CAPN3: variants seen among roughly 807,000 people sequenced by gnomAD.
CAPN3 encodes the protein calpain-3.
In CAPN3, 88 loss-of-function variants were observed where a neutral mutation model predicts 114.0. The observed-to-expected ratio is 0.77, with a 90% CI of 0.65 to 0.92. The LOEUF (loss-of-function observed/expected upper bound fraction) is 0.92, where lower values mean the gene tolerates loss of function less well. Ranked by LOEUF, CAPN3 falls within the 40% of genes least tolerant of loss-of-function variation. The pLI, the probability that CAPN3 is intolerant of heterozygous loss-of-function variation, is 0.00. For missense variants in CAPN3, 1,028 were observed against 1,069.0 expected (o/e 0.96, Z 0.53); for synonymous variants, 386 against 382.9 (o/e 1.01, Z -0.09).
intron 14 of CAPN3, among the ~76,000 whole-genome samples, chr15:42,405,130 GA>G (rs1360623074): frequency 4.6e-5 from 7 of 152,140 alleles, no homozygotes; most frequent in African/African-American, 1.2e-4. Context: ...TTGCCGCAGG[GA>G]TTACAGGCCC....
intron 1 of CAPN3, among the ~76,000 whole-genome samples, chr15:42,377,880 G>A (rs553144528): frequency 4.6e-5 from 7 of 152,176 alleles, no homozygotes; most frequent in Non-Finnish European, 1.0e-4. Flanking sequence ...TCTAATCCTC[G>A]AATGAATTTT....
At chr15:42,384,017 C>T (rs2053316688) in intron 1 of CAPN3, among the ~76,000 whole-genome samples, 1 of 152,206 alleles carries the variant, frequency 6.6e-6, no homozygotes, top group Non-Finnish European at 1.5e-5. Context: ...CTTAACCTCT[C>T]TGGGCCTCAG....
In CAPN3 at chr15:42,411,885, TC is replaced by T; in HGVS notation, c.*114del. 6.3e-7 allele frequency: 1 copy of T among 1,593,470 alleles called. No homozygotes were observed. Among genetic ancestry groups the T allele is most frequent in the Non-Finnish European group, 8.6e-7 (1 of 1,169,500 alleles). On this transcript the variant is annotated 3_prime_UTR_variant, in exon 24 of 24. Coordinates refer to ENST00000397163, the MANE Select transcript of CAPN3 (RefSeq NM_000070.3). ...CCCAGCAGCTACACCCCTACAGGCTTCCAGGCACCTCATCAGTCATGCTCCT... is the reference window on the plus strand; with the variant it reads ...CCCAGCAGCTACACCCCTACAGGCTTCAGGCACCTCATCAGTCATGCTCCT...
intron 7 of CAPN3, among the ~76,000 whole-genome samples, chr15:42,393,859 C>G (rs1054272479): frequency 2.0e-5 from 3 of 151,418 alleles, no homozygotes; most frequent in Non-Finnish European, 2.9e-5. Flanking sequence ...TCTCAAAGTG[C>G]TGGGATTACA....
intron 11 of CAPN3, 145 bp downstream of exon 11, chr15:42,401,955 A>C (rs186706571): frequency 7.4e-7 from 1 of 1,344,668 alleles, no homozygotes; most frequent in African/African-American, 1.4e-5. Context: ...TGTTTGTAAC[A>C]AGCAAAAAAT....
At chr15:42,393,680 G>A (rs28364448) in intron 7 of CAPN3, among the ~76,000 whole-genome samples, 1,595 of 150,402 alleles carry the variant, frequency 0.011, 32 homozygotes, top group African/African-American at 0.037. Flanking sequence ...TGCAATGTCC[G>A]CCTCCTGGAT....
chr15:42,377,979 C>G (rs1006106460), intron 1 of CAPN3, among the ~76,000 whole-genome samples: 2 of 152,160 alleles, frequency 1.3e-5, no homozygotes, highest in South Asian at 4.1e-4. Flanking sequence ...CTTATTATCC[C>G]TTTAATGTCC....
chr15:42,371,356 G>A (rs1363944188), intron 1 of CAPN3, among the ~76,000 whole-genome samples: 1 of 152,186 alleles, frequency 6.6e-6, no homozygotes, highest in Non-Finnish European at 1.5e-5. Flanking sequence ...ACAAATTAAA[G>A]TGACTCAGCA....
At chr15:42,398,741 T>A (rs2053779414) in intron 9 of CAPN3, among the ~76,000 whole-genome samples, 2 of 151,016 alleles carry the variant, frequency 1.3e-5, no homozygotes, top group Non-Finnish European at 2.9e-5. Flanking sequence ...AAATTCTTGT[T>A]TAGCTATGTT....
intron 1 of CAPN3, among the ~76,000 whole-genome samples, chr15:42,370,394 A>AG (rs2052912678): frequency 6.6e-6 from 1 of 152,182 alleles, no homozygotes; most frequent in Non-Finnish European, 1.5e-5. Flanking sequence ...GAAGAGAGGG[A>AG]GGGGGCTGAA....
In CAPN3 at chr15:42,370,699, ATAAG is replaced by A. The variant is rs375617702; in HGVS notation, c.309+10591_309+10594del. On this transcript the variant is annotated intron_variant, in intron 1 of 23. Transcript: ENST00000397163. ...ACTGACTCGGCCACTAGCAAGTCAC[ATAAG>A]TAAGTCACATTTTTTAAGTTTCGCT... is the stretch of plus-strand genomic sequence containing the variant. Among the ~76,000 whole-genome samples the A allele has an allele frequency of 5.3e-3, 809 of 152,336 alleles. 7 individuals carry two copies. The highest frequency in any genetic ancestry group is 0.019 in the African/African-American group (772 of 41,576).
At chr15:42,409,040 T>C in intron 16 of CAPN3, 1 of 470,340 alleles carries the variant, frequency 2.1e-6, no homozygotes, top group Non-Finnish European at 3.7e-6. Context: ...CTCTTGCAGG[T>C]GGGGACTGGG....
intron 1 of CAPN3, among the ~76,000 whole-genome samples, chr15:42,371,137 G>A (rs1437592689): frequency 6.6e-6 from 1 of 152,064 alleles, no homozygotes; most frequent in Non-Finnish European, 1.5e-5. Flanking sequence ...ACAAAACGAG[G>A]TACCCATTTG....
chr15:42,388,791 A>C, intron 4 of CAPN3, 137 bp from the exon 5 acceptor site: 3 of 796,392 alleles, frequency 3.8e-6, no homozygotes, highest in East Asian at 2.5e-5. Context: ...TTTCCATCCC[A>C]TGAGCTCATA....
At chr15:42,384,209 G>A (rs1416606698) in intron 1 of CAPN3, among the ~76,000 whole-genome samples, 1 of 151,970 alleles carries the variant, frequency 6.6e-6, no homozygotes. Flanking sequence ...GTCAAGAGAT[G>A]GAGACCATCC....
At chr15:42,410,141 C>A in intron 19 of CAPN3, 146 bp downstream of exon 19, 1 of 806,890 alleles carries the variant, frequency 1.2e-6, no homozygotes, top group Non-Finnish European at 2.1e-6. Flanking sequence ...CTTGGATACT[C>A]GTCTGAAAGG....
At chr15:42,400,838 G>A (rs186099773) in intron 10 of CAPN3, among the ~76,000 whole-genome samples, 23 of 152,188 alleles carry the variant, frequency 1.5e-4, no homozygotes, top group African/African-American at 4.3e-4. Context: ...ATAGAGCATC[G>A]GATGCGCATA....
In CAPN3 at chr15:42,411,804, G is replaced by T. The variant is rs372456947; in HGVS notation, c.*31G>T. 3.2e-5 allele frequency: 52 copies of T among 1,613,256 alleles called. No homozygotes were observed. The highest frequency in any genetic ancestry group is 4.2e-5 in the Non-Finnish European group (50 of 1,179,832). The stretch of plus-strand genomic sequence containing the variant: ...GCTGGCCTCATCCAAAGCCATGCAG[G>T]ATCACTCAGGATTTCAGTTTCACCC... On this transcript the variant is annotated 3_prime_UTR_variant, in exon 24 of 24. Transcript: ENST00000397163.
At chr15:42,405,312 T>C (rs1182338678) in intron 14 of CAPN3, among the ~76,000 whole-genome samples, 2 of 152,176 alleles carry the variant, frequency 1.3e-5, no homozygotes, top group Non-Finnish European at 2.9e-5. Context: ...TATTATTTAT[T>C]TATTTGTTTA....
Sources: gnomAD v4.1 joint callset for allele counts (sites outside exome capture counted in the v4.1 genomes callset) on GRCh38, gnomAD v4.1.1 for gene constraint, MANE v1.5 for transcripts, NCBI Gene and HGNC (gene_info 2026-07-23, HGNC 2026-07-21) for gene names.